DNM3: variants seen among roughly 807,000 people sequenced by gnomAD.
DNM3 encodes the protein dynamin 3.
Under a neutral mutation model 101.6 loss-of-function variants are expected in DNM3, and 47 were observed. That is an observed-to-expected ratio of 0.46 (90% CI 0.37 to 0.59). The LOEUF (loss-of-function observed/expected upper bound fraction) is 0.59, where lower values mean the gene tolerates loss of function less well. DNM3 is among the 20% of genes least tolerant of loss of function. The probability of loss-of-function intolerance (pLI) is 0.00; values close to 1 mark genes in which losing one functional copy is unlikely to be tolerated. For missense variants in DNM3, 849 were observed against 1,085.7 expected (o/e 0.78, Z 3.06); for synonymous variants, 385 against 387.9 (o/e 0.99, Z 0.09).
At chr1:172,207,227 T>C (rs1186626111) in intron 14 of DNM3, among the ~76,000 whole-genome samples, 1 of 152,092 alleles carries the variant, frequency 6.6e-6, no homozygotes, top group Admixed American at 6.6e-5. Context: ...ACTGACGTGA[T>C]GCCTAGGGTT....
intron 10 of DNM3, among the ~76,000 whole-genome samples, chr1:172,057,382 C>A (rs994521492): frequency 1.6e-4 from 25 of 152,032 alleles, no homozygotes; most frequent in Admixed American, 1.2e-3. Flanking sequence ...AACTCCAAGA[C>A]ACATAATTGT....
intron 14 of DNM3, among the ~76,000 whole-genome samples, chr1:172,160,248 AT>A (rs1166673225): frequency 6.6e-6 from 1 of 151,836 alleles, no homozygotes; most frequent in Admixed American, 6.6e-5. Context: ...TTATGCAAAT[AT>A]TTTTTTCTTC....
chr1:172,027,339 C>A (rs983993364), intron 4 of DNM3, among the ~76,000 whole-genome samples: 1 of 152,092 alleles, frequency 6.6e-6, no homozygotes, highest in Non-Finnish European at 1.5e-5. Context: ...AATCCCAGCA[C>A]TTTAGGATGC....
rs2048674343 is a variant in DNM3, at chr1:172,032,448, A to G, written c.636A>G (p.Glu212=). The G allele has an allele frequency of 1.2e-6, 2 of 1,611,922 alleles. No homozygotes were observed. Among genetic ancestry groups the G allele is most frequent in the Non-Finnish European group, 1.7e-6 (2 of 1,178,784 alleles). ...TCACCAAACTGGACCTTATGGATGA[A>G]GGAACGGATGCCAGGGATGTTCTAG... is the stretch of plus-strand genomic sequence containing the variant. ...GVITKLDLMD[E]GTDARDVLEN... is the part of the protein sequence containing the mutation. The change falls in exon 5 of 21, where the codon GAA becomes GAG. Residue 212 remains glutamate (E), a synonymous_variant. Transcript: ENST00000627582.
chr1:171,842,162 G>T (rs1458879942), intron 1 of DNM3, among the ~76,000 whole-genome samples: 1 of 152,078 alleles, frequency 6.6e-6, no homozygotes, highest in Non-Finnish European at 1.5e-5. Context: ...CCAGCCCCGG[G>T]CAGCCTCCCT....
intron 1 of DNM3, among the ~76,000 whole-genome samples, chr1:171,895,027 C>T (rs2037654014): frequency 6.6e-6 from 1 of 152,176 alleles, no homozygotes; most frequent in African/African-American, 2.4e-5. Context: ...TTTCTTAATC[C>T]AGTCTATCAT....
intron 14 of DNM3, among the ~76,000 whole-genome samples, chr1:172,159,888 G>A (rs150695691): frequency 1.3e-5 from 2 of 152,036 alleles, no homozygotes; most frequent in East Asian, 3.9e-4. Context: ...AAACCTAGGT[G>A]GTAGAGCCTG....
At chr1:172,212,854 T>A (rs1192060531) in intron 14 of DNM3, among the ~76,000 whole-genome samples, 1 of 152,094 alleles carries the variant, frequency 6.6e-6, no homozygotes, top group Non-Finnish European at 1.5e-5. Context: ...GAGAGAGTGC[T>A]TTTTGACTGA....
At chr1:172,374,443 A>G (rs1320941305) in intron 17 of DNM3, among the ~76,000 whole-genome samples, 2 of 151,928 alleles carry the variant, frequency 1.3e-5, no homozygotes, top group Non-Finnish European at 2.9e-5. Flanking sequence ...TGCTTTTTTA[A>G]CGGCTTCGTT....
At chr1:172,212,885 G>A (rs1277002611) in intron 14 of DNM3, among the ~76,000 whole-genome samples, 1 of 152,130 alleles carries the variant, frequency 6.6e-6, no homozygotes, top group East Asian at 1.9e-4. Context: ...CCTTACCTGA[G>A]TCTTTTGGTG....
intron 13 of DNM3, among the ~76,000 whole-genome samples, chr1:172,120,969 G>T (rs1016117398): frequency 6.6e-6 from 1 of 151,822 alleles, no homozygotes; most frequent in African/African-American, 2.4e-5. Context: ...TTACTAAGGT[G>T]TTTTTTTTCT....
chr1:172,177,288 C>A (rs608156), intron 14 of DNM3, among the ~76,000 whole-genome samples: 2 of 151,404 alleles, frequency 1.3e-5, no homozygotes, highest in African/African-American at 4.9e-5. Context: ...ACCACATTCA[C>A]GTAACTTGTA....
At chr1:172,200,146 G>T (rs1433167637) in intron 14 of DNM3, among the ~76,000 whole-genome samples, 1 of 151,998 alleles carries the variant, frequency 6.6e-6, no homozygotes, top group Non-Finnish European at 1.5e-5. Context: ...AAATTATCTT[G>T]TTCCTCCTTC....
intron 8 of DNM3, among the ~76,000 whole-genome samples, chr1:172,043,115 T>A (rs2125841104): frequency 6.6e-6 from 1 of 152,260 alleles, no homozygotes; most frequent in South Asian, 2.1e-4. Context: ...AGCTTTCCAG[T>A]AAAAGTGCCC....
chr1:171,961,260 G>T (rs2043192395), intron 2 of DNM3, among the ~76,000 whole-genome samples: 1 of 152,090 alleles, frequency 6.6e-6, no homozygotes, highest in Non-Finnish European at 1.5e-5. Flanking sequence ...CTCCAGCCTG[G>T]GTAGAAAGGA....
intron 1 of DNM3, among the ~76,000 whole-genome samples, chr1:171,893,909 T>C (rs2125188757): frequency 1.3e-5 from 2 of 152,280 alleles, no homozygotes; most frequent in East Asian, 3.9e-4. Flanking sequence ...CTTAACTACA[T>C]AGTTATATAT....
intron 11 of DNM3, among the ~76,000 whole-genome samples, chr1:172,069,390 A>G (rs2051977278): frequency 1.3e-5 from 2 of 152,148 alleles, no homozygotes; most frequent in African/African-American, 4.8e-5. Flanking sequence ...CAGCTTATCC[A>G]TACAACCTAT....
Position 172,410,432 on chromosome 1 carries a change from A to G in DNM3, c.*2591A>G. ...GATGTAGCTCTATCATGTCTAGCAT[A>G]ATTTAAAAAATCAGTGTTTTTAGGA... On this transcript the variant is annotated 3_prime_UTR_variant, in exon 21 of 21. Coordinates refer to ENST00000627582, the MANE Select transcript of DNM3 (RefSeq NM_015569.5). 1 of 985,024 alleles carries G rather than the reference A, an allele frequency of 1.0e-6. No homozygotes were observed. Among genetic ancestry groups the G allele is most frequent in the Non-Finnish European group, 1.2e-6 (1 of 829,558 alleles). 61.0% of individuals were successfully genotyped at this position (985,024 alleles called of 1,614,324 possible). A position where few individuals can be genotyped will look rare whatever the true frequency, so the allele number is the denominator to read the frequency against.
intron 1 of DNM3, among the ~76,000 whole-genome samples, chr1:171,871,124 G>A (rs6683945): frequency 0.61 from 92,090 of 151,914 alleles, 28,209 homozygotes; most frequent in East Asian, 0.8. Flanking sequence ...ATATTGGGCT[G>A]GAGAGGGAGA....
Sources: gnomAD v4.1 joint callset for allele counts (sites outside exome capture counted in the v4.1 genomes callset) on GRCh38, gnomAD v4.1.1 for gene constraint, MANE v1.5 for transcripts, NCBI Gene and HGNC (gene_info 2026-07-23, HGNC 2026-07-21) for gene names.